CHST11: variants seen among roughly 807,000 people sequenced by gnomAD.
CHST11 encodes the protein C4S-1.
A neutral mutation model predicts 30.4 loss-of-function variants in CHST11; 9 were observed. The observed-to-expected ratio is 0.30, with a 90% CI of 0.18 to 0.52. The LOEUF is 0.52. Ranked by LOEUF, CHST11 falls within the 20% of genes least tolerant of loss-of-function variation. The pLI is 0.97. For missense variants in CHST11, 348 were observed against 460.6 expected (o/e 0.76, Z 2.24); for synonymous variants, 152 against 187.8 (o/e 0.81, Z 1.56).
intron 2 of CHST11, among the ~76,000 whole-genome samples, chr12:104,622,863 A>T (rs1019301646): frequency 1.3e-5 from 2 of 152,240 alleles, no homozygotes; most frequent in African/African-American, 4.8e-5. Context: ...CAGCAGCCAG[A>T]GCAATAGCCA....
chr12:104,489,280 G>T (rs973553624), intron 1 of CHST11, among the ~76,000 whole-genome samples: 4 of 152,006 alleles, frequency 2.6e-5, no homozygotes, highest in Non-Finnish European at 4.4e-5. Context: ...CAGGTGATCT[G>T]CCTGCCTCGG....
At chr12:104,558,334 C>G (rs2038477921) in intron 1 of CHST11, among the ~76,000 whole-genome samples, 1 of 152,116 alleles carries the variant, frequency 6.6e-6, no homozygotes, top group African/African-American at 2.4e-5. Context: ...GGCCCCTTCT[C>G]TGTACCTGTC....
chr12:104,541,767 T>C (rs1348097604), intron 1 of CHST11, among the ~76,000 whole-genome samples: 1 of 152,020 alleles, frequency 6.6e-6, no homozygotes, highest in Non-Finnish European at 1.5e-5. Context: ...GTCTTAGGAG[T>C]AAAGATGGTT....
chr12:104,632,149 A>G (rs1262439376), intron 2 of CHST11, among the ~76,000 whole-genome samples: 2 of 152,110 alleles, frequency 1.3e-5, no homozygotes, highest in Non-Finnish European at 2.9e-5. Flanking sequence ...CTGCCTGGGA[A>G]CACGAGACCT....
At chr12:104,701,839 CT>C (rs1192781950) in intron 2 of CHST11, among the ~76,000 whole-genome samples, 3 of 152,212 alleles carry the variant, frequency 2.0e-5, no homozygotes, top group Non-Finnish European at 4.4e-5. Context: ...CTGATATGCA[CT>C]TGGGTGCTGG....
intron 1 of CHST11, among the ~76,000 whole-genome samples, chr12:104,497,424 T>C (rs962047323): frequency 6.6e-6 from 1 of 152,212 alleles, no homozygotes; most frequent in Admixed American, 6.5e-5. Flanking sequence ...CCAACCCTGC[T>C]TGACACCTTG....
intron 2 of CHST11, among the ~76,000 whole-genome samples, chr12:104,711,587 G>C (rs873774): frequency 2.0e-5 from 3 of 152,088 alleles, no homozygotes; most frequent in African/African-American, 7.2e-5. Context: ...TGGGAAGTGA[G>C]AGGTTTATTC....
chr12:104,736,682 C>T (rs1336128810), intron 2 of CHST11, among the ~76,000 whole-genome samples: 1 of 152,114 alleles, frequency 6.6e-6, no homozygotes, highest in African/African-American at 2.4e-5. Flanking sequence ...GGCCTGTGAA[C>T]TCTGATTTAC....
rs1287311028 is a variant in CHST11, at chr12:104,690,203, G to A, written c.205-66746G>A. ...ATAACACAGTACCTATAAATAAGGT[G>A]AGAATCCAGTTAATAGCTTTCTATT... On this transcript the variant is annotated intron_variant, in intron 2 of 2. Coordinates refer to ENST00000303694, the MANE Select transcript of CHST11 (RefSeq NM_018413.6). Among the ~76,000 whole-genome samples, 3 of 152,332 alleles carry A rather than the reference G, an allele frequency of 2.0e-5. No individual in the cohort carries two copies. The East Asian group carries it at 5.8e-4, about 29-fold the overall frequency.
At chr12:104,527,244 A>C (rs1020170631) in intron 1 of CHST11, among the ~76,000 whole-genome samples, 1 of 152,204 alleles carries the variant, frequency 6.6e-6, no homozygotes, top group Non-Finnish European at 1.5e-5. Context: ...CTTATCTTCC[A>C]GCCTCCAGAA....
intron 1 of CHST11, among the ~76,000 whole-genome samples, chr12:104,554,204 G>A (rs1462824415): frequency 1.3e-5 from 2 of 152,130 alleles, no homozygotes; most frequent in African/African-American, 4.8e-5. Context: ...AGGGGGAAGG[G>A]GCATTACACA....
At chr12:104,462,770 T>C (rs1174541748) in intron 1 of CHST11, among the ~76,000 whole-genome samples, 1 of 152,178 alleles carries the variant, frequency 6.6e-6, no homozygotes, top group Non-Finnish European at 1.5e-5. Flanking sequence ...TATGTACCTA[T>C]AAAAATTAAC....
At chr12:104,546,825 C>T (rs1358077237) in intron 1 of CHST11, among the ~76,000 whole-genome samples, 1 of 152,204 alleles carries the variant, frequency 6.6e-6, no homozygotes, top group African/African-American at 2.4e-5. Context: ...CACGTGTGTA[C>T]CCTTGGGCGG....
intron 1 of CHST11, among the ~76,000 whole-genome samples, chr12:104,486,882 C>T (rs2037684243): frequency 6.6e-6 from 1 of 152,188 alleles, no homozygotes; most frequent in South Asian, 2.1e-4. Context: ...AGCCTTCTAC[C>T]CTTTGTTACA....
intron 2 of CHST11, among the ~76,000 whole-genome samples, chr12:104,672,327 C>T (rs1186487152): frequency 6.6e-6 from 1 of 152,012 alleles, no homozygotes; most frequent in African/African-American, 2.4e-5. Flanking sequence ...ATTAGGGGCC[C>T]GGCTGTCCAG....
chr12:104,662,858 G>A (rs1483448314), intron 2 of CHST11, among the ~76,000 whole-genome samples: 2 of 152,160 alleles, frequency 1.3e-5, no homozygotes, highest in African/African-American at 4.8e-5. Flanking sequence ...AATGTTTACA[G>A]GTCCCCAGAT....
chr12:104,565,634 C>A (rs183121016), intron 1 of CHST11, among the ~76,000 whole-genome samples: 7 of 152,206 alleles, frequency 4.6e-5, no homozygotes, highest in Admixed American at 3.3e-4. Flanking sequence ...AGCACTAAGA[C>A]GCTCTATCAC....
At chr12:104,680,360 G>T (rs918902979) in intron 2 of CHST11, among the ~76,000 whole-genome samples, 1 of 152,244 alleles carries the variant, frequency 6.6e-6, no homozygotes. Flanking sequence ...CACCACAGCA[G>T]ATGCAAGCCT....
At chr12:104,604,590 G>A (rs2038985729) in intron 2 of CHST11, among the ~76,000 whole-genome samples, 1 of 152,118 alleles carries the variant, frequency 6.6e-6, no homozygotes, top group South Asian at 2.1e-4. Context: ...GTGTCCATGA[G>A]CCATTTACAA....
Sources: allele counts gnomAD v4.1 joint callset (sites outside exome capture counted in the v4.1 genomes callset), GRCh38; gene constraint gnomAD v4.1.1; transcripts MANE v1.5; gene names NCBI Gene and HGNC (gene_info 2026-07-23, HGNC 2026-07-21).